HS3ST4: variants seen among roughly 807,000 people sequenced by gnomAD.
The protein encoded by HS3ST4 is heparan sulfate-glucosamine 3-sulfotransferase 4.
HS3ST4 carries 17 observed loss-of-function variants against 29.2 expected under a neutral mutation model. The ratio of observed to expected loss-of-function variants is 0.58; its 90% confidence interval spans 0.40 to 0.87. HS3ST4 has a LOEUF of 0.87. HS3ST4 is among the 40% of genes least tolerant of loss of function. The probability of loss-of-function intolerance (pLI) is 0.00; values close to 1 mark genes in which losing one functional copy is unlikely to be tolerated. For missense variants in HS3ST4, 627 were observed against 634.5 expected (o/e 0.99, Z 0.13); for synonymous variants, 314 against 285.7 (o/e 1.10, Z -1.00).
intron 1 of HS3ST4, among the ~76,000 whole-genome samples, chr16:26,044,278 A>G (rs1199937475): frequency 2.0e-5 from 3 of 152,234 alleles, no homozygotes; most frequent in Admixed American, 2.0e-4. Flanking sequence ...GGAGTAGCCA[A>G]GGGACCATTG....
At chr16:26,131,549 C>T (rs1484005140) in intron 1 of HS3ST4, among the ~76,000 whole-genome samples, 1 of 152,118 alleles carries the variant, frequency 6.6e-6, no homozygotes, top group Non-Finnish European at 1.5e-5. Context: ...TTAAAATGAA[C>T]TTACTTAAAA....
chr16:25,883,414 C>T (rs952232990), intron 1 of HS3ST4, among the ~76,000 whole-genome samples: 8 of 151,968 alleles, frequency 5.3e-5, no homozygotes, highest in Non-Finnish European at 1.0e-4. Context: ...ACACTGAAGA[C>T]AGTGGGCAGA....
chr16:25,929,487 A>C (rs116301534), intron 1 of HS3ST4, among the ~76,000 whole-genome samples: 2,255 of 152,338 alleles, frequency 0.015, 55 homozygotes, highest in African/African-American at 0.051. Context: ...CACACATCGC[A>C]TCCCACTACT....
chr16:25,901,092 C>T (rs1353229075), intron 1 of HS3ST4, among the ~76,000 whole-genome samples: 1 of 152,186 alleles, frequency 6.6e-6, no homozygotes, highest in Admixed American at 6.5e-5. Context: ...TCCCTGAGCT[C>T]ATATGCATGG....
At chr16:26,066,337 G>C (rs1898541667) in intron 1 of HS3ST4, among the ~76,000 whole-genome samples, 1 of 152,216 alleles carries the variant, frequency 6.6e-6, no homozygotes, top group African/African-American at 2.4e-5. Context: ...AATTTGTAAA[G>C]AGGTGGGAGG....
At chr16:26,114,921 C>T (rs894480233) in intron 1 of HS3ST4, among the ~76,000 whole-genome samples, 2 of 152,092 alleles carry the variant, frequency 1.3e-5, no homozygotes, top group African/African-American at 2.4e-5. Flanking sequence ...GAGACATGTA[C>T]AAAGTCGCTC....
intron 1 of HS3ST4, among the ~76,000 whole-genome samples, chr16:26,101,130 C>A (rs140181391): frequency 6.7e-4 from 102 of 152,320 alleles, no homozygotes; most frequent in African/African-American, 2.3e-3. Context: ...TCTGCAGAAC[C>A]TCTGGTCCAA....
At chr16:26,087,806 T>C (rs1284221074) in intron 1 of HS3ST4, among the ~76,000 whole-genome samples, 5 of 152,138 alleles carry the variant, frequency 3.3e-5, no homozygotes, top group Admixed American at 3.3e-4. Context: ...CCAAAAAGTT[T>C]TGGATTTTGG....
chr16:26,128,813 A>G (rs1453925688), intron 1 of HS3ST4, among the ~76,000 whole-genome samples: 3 of 152,192 alleles, frequency 2.0e-5, no homozygotes, highest in African/African-American at 7.2e-5. Context: ...GTGCTTGGCA[A>G]GTAAGCAGGT....
At chr16:25,765,378 G>A (rs1394567387) in intron 1 of HS3ST4, among the ~76,000 whole-genome samples, 3 of 152,152 alleles carry the variant, frequency 2.0e-5, no homozygotes, top group Admixed American at 6.5e-5. Flanking sequence ...GCCAGGAGCC[G>A]CTTGCCGCTT....
At chr16:25,814,105 A>T (rs1967068511) in intron 1 of HS3ST4, among the ~76,000 whole-genome samples, 1 of 152,204 alleles carries the variant, frequency 6.6e-6, no homozygotes, top group Non-Finnish European at 1.5e-5. Context: ...AGGGGGAAGA[A>T]GGGAATCTCT....
intron 1 of HS3ST4, among the ~76,000 whole-genome samples, chr16:26,043,814 T>C (rs1279365128): frequency 6.6e-6 from 1 of 152,202 alleles, no homozygotes; most frequent in Non-Finnish European, 1.5e-5. Flanking sequence ...CTTCCATGAT[T>C]AATTGGTCCC....
At chr16:26,015,035 A>T (rs1024613516) in intron 1 of HS3ST4, among the ~76,000 whole-genome samples, 1 of 152,224 alleles carries the variant, frequency 6.6e-6, no homozygotes, top group Non-Finnish European at 1.5e-5. Flanking sequence ...AGAATTAATG[A>T]AATTGATAGT....
intron 1 of HS3ST4, among the ~76,000 whole-genome samples, chr16:25,882,343 C>A (rs1299091140): frequency 1.3e-5 from 2 of 152,142 alleles, no homozygotes; most frequent in Non-Finnish European, 2.9e-5. Context: ...ATAGTCCCTC[C>A]AGTCTAGCAC....
In HS3ST4 at chr16:26,057,891, C is replaced by G. The variant is rs1469247083; in HGVS notation, c.735-77721C>G. On this transcript the variant is annotated intron_variant, in intron 1 of 1. Transcript: ENST00000331351. ...CAGGTCTGGGCCAGGTAAAGCCTCCCTCTTACTGTGGAGTGTATTACGGGA... is the reference window on the plus strand; with the variant it reads ...CAGGTCTGGGCCAGGTAAAGCCTCCGTCTTACTGTGGAGTGTATTACGGGA... 2.6e-5 allele frequency among the ~76,000 whole-genome samples: 4 copies of G among 152,274 alleles called. No individual in the cohort carries two copies. The East Asian group carries it at 7.7e-4, about 29-fold the overall frequency.
At chr16:26,105,522 C>G (rs11862772) in intron 1 of HS3ST4, among the ~76,000 whole-genome samples, 180 of 152,316 alleles carry the variant, frequency 1.2e-3, no homozygotes, top group African/African-American at 4.0e-3. Flanking sequence ...AGCAATCTTT[C>G]CAATGTGTAA....
At chr16:25,731,123 T>G (rs902625488) in intron 1 of HS3ST4, among the ~76,000 whole-genome samples, 1 of 152,080 alleles carries the variant, frequency 6.6e-6, no homozygotes, top group African/African-American at 2.4e-5. Context: ...TGAGGCTTGG[T>G]GTCCCGAAAT....
intron 1 of HS3ST4, among the ~76,000 whole-genome samples, chr16:26,121,777 T>C (rs74013263): frequency 0.024 from 3,657 of 152,198 alleles, 147 homozygotes; most frequent in African/African-American, 0.083. Flanking sequence ...ACCTGCCCTT[T>C]AAAACGCTGA....
intron 1 of HS3ST4, among the ~76,000 whole-genome samples, chr16:25,767,964 A>G (rs1045105516): frequency 1.3e-5 from 2 of 152,202 alleles, no homozygotes; most frequent in Admixed American, 1.3e-4. Context: ...ATGAACGAGT[A>G]GAGTCACATC....
Sources: gnomAD v4.1 joint callset for allele counts (sites outside exome capture counted in the v4.1 genomes callset) on GRCh38, gnomAD v4.1.1 for gene constraint, MANE v1.5 for transcripts, NCBI Gene and HGNC (gene_info 2026-07-23, HGNC 2026-07-21) for gene names.